The following TMED8 variants were observed in gnomAD, a reference collection of about 807,000 sequenced individuals.
TMED8 encodes protein TMED8.
In TMED8, 15 loss-of-function variants were observed where a neutral mutation model predicts 32.7. The observed-to-expected ratio is 0.46, with a 90% CI of 0.31 to 0.71. TMED8 has a LOEUF of 0.71. Ranked by LOEUF, TMED8 falls within the 30% of genes least tolerant of loss-of-function variation. TMED8 has a pLI of 0.06. For missense variants in TMED8, 390 were observed against 423.9 expected (o/e 0.92, Z 0.70); for synonymous variants, 147 against 161.4 (o/e 0.91, Z 0.68).
At chr14:77,348,500 G>A (rs1490562421) in intron 2 of TMED8, among the ~76,000 whole-genome samples, 1 of 152,178 alleles carries the variant, frequency 6.6e-6, no homozygotes, top group Non-Finnish European at 1.5e-5. Context: ...TGGGATTACA[G>A]GCATGAGCCA....
rs370851500 is a variant in TMED8 at position 77,359,340 on chromosome 14, G to A, written c.119-7589C>T. ...TGCACTCAGGACCCTTCCAGGCCTC[G>A]CCCTATTTACCTCTTCATCTGGCTG... On this transcript the variant is annotated intron_variant, in intron 1 of 5. Coordinates refer to ENST00000216468, the MANE Select transcript of TMED8 (RefSeq NM_213601.3). 4.2e-5 allele frequency: 8 copies of A among 189,286 alleles called. No homozygotes were observed. In the East Asian group the frequency reaches 5.2e-4, roughly 12 times the overall value. The allele number at this position is 189,286 out of a possible 1,614,324, so 11.7% of individuals were successfully genotyped here. A position where few individuals can be genotyped will look rare whatever the true frequency, so the allele number is the denominator to read the frequency against.
intron 1 of TMED8, among the ~76,000 whole-genome samples, chr14:77,369,632 G>A (rs1005471410): frequency 6.6e-6 from 1 of 152,172 alleles, no homozygotes; most frequent in South Asian, 2.1e-4. Flanking sequence ...AGACAAAAGA[G>A]CCCCAAAATA....
At position 77,376,758 on chromosome 14, in the gene TMED8, T is replaced by G; in HGVS notation, c.118+178A>C. On this transcript the variant is annotated intron_variant, in intron 1 of 5. Transcript: ENST00000216468. The surrounding 1 kb of genome is among the most constrained non-coding windows in gnomAD (Gnocchi z 4.0). ...AAACAGGAGTGAGTAGAAAATAACC[T>G]CGAGCCCAGGGCCCGGGTGGTGGCA... 2.7e-6 allele frequency: 1 copy of G among 364,090 alleles called. No homozygotes were observed. The highest frequency in any genetic ancestry group is 2.1e-5 in the African/African-American group (1 of 47,214). The allele number at this position is 364,090 out of a possible 1,614,324, so 22.6% of individuals were successfully genotyped here.
chr14:77,366,384 G>A (rs1299655254), intron 1 of TMED8, among the ~76,000 whole-genome samples: 2 of 152,210 alleles, frequency 1.3e-5, no homozygotes, highest in East Asian at 3.8e-4. Context: ...CCTGGAAAAG[G>A]TGAAACAGGA....
chr14:77,361,903 C>A (rs1413951425), intron 1 of TMED8, among the ~76,000 whole-genome samples: 1 of 152,158 alleles, frequency 6.6e-6, no homozygotes, highest in Non-Finnish European at 1.5e-5. Flanking sequence ...AATCCTCCCA[C>A]CTCAGCCTCC....
chr14:77,358,395 G>A (rs1893347473), intron 1 of TMED8, among the ~76,000 whole-genome samples: 1 of 151,674 alleles, frequency 6.6e-6, no homozygotes, highest in Admixed American at 6.6e-5. Context: ...TCCACCTCCT[G>A]GGTTCAAGTA....
chr14:77,372,926 ATATATATATATATATATATATATATATT>A lies in TMED8; in HGVS notation c.118+3982_118+4009del, dbSNP rs1329145504. Among the ~76,000 whole-genome samples the A allele has an allele frequency of 4.0e-3, 102 of 25,464 alleles. 3 individuals are homozygous for A. Among genetic ancestry groups the A allele is most frequent in the African/African-American group, 0.028 (94 of 3,348 alleles). 16.7% of individuals were successfully genotyped at this position (25,464 alleles called of 152,430 possible). A position where few individuals can be genotyped will look rare whatever the true frequency, so the allele number is the denominator to read the frequency against. ...AGATATTATATATATATATATATAT[ATATATATATATATATATATATATATATT>A]TTTTTTTTTTTTTTTTTTTTTTTTT... is the stretch of plus-strand genomic sequence containing the variant. On this transcript the variant is annotated intron_variant, in intron 1 of 5. Coordinates refer to ENST00000216468, the MANE Select transcript of TMED8 (RefSeq NM_213601.3).
At chr14:77,372,897 C>G (rs182496992) in intron 1 of TMED8, among the ~76,000 whole-genome samples, 104 of 76,518 alleles carry the variant, frequency 1.4e-3, no homozygotes, top group African/African-American at 4.0e-3. Flanking sequence ...ATTGAAATAG[C>G]CACAGATATT....
chr14:77,373,756 G>A (rs12881799), intron 1 of TMED8, among the ~76,000 whole-genome samples: 27,185 of 152,180 alleles, frequency 0.18, 2,765 homozygotes, highest in Middle Eastern at 0.27. Context: ...AATGTTAGAG[G>A]TGAGGTCTGG....
At chr14:77,365,338 TAAAC>T (rs1893528999) in intron 1 of TMED8, among the ~76,000 whole-genome samples, 2 of 152,166 alleles carry the variant, frequency 1.3e-5, no homozygotes, top group African/African-American at 4.8e-5. Context: ...GATAAACTCA[TAAAC>T]AGACAGTTGT....
intron 1 of TMED8, among the ~76,000 whole-genome samples, chr14:77,374,315 T>C (rs947827731): frequency 6.6e-6 from 1 of 152,212 alleles, no homozygotes; most frequent in African/African-American, 2.4e-5. Context: ...AATATAGTAT[T>C]TCCACACTGC....
chr14:77,354,258 C>T (rs1893242092), intron 1 of TMED8, among the ~76,000 whole-genome samples: 1 of 152,168 alleles, frequency 6.6e-6, no homozygotes, highest in Admixed American at 6.5e-5. Context: ...TAACTGCAAA[C>T]TTACTGTTGG....
rs1893838474 is a variant in TMED8, at chr14:77,377,050, A to T, written c.4T>A (p.Ser2Thr). 1 of 1,366,234 alleles carries T rather than the reference A, an allele frequency of 7.3e-7. No individual in the cohort carries two copies. The highest frequency in any genetic ancestry group is 1.7e-5 in the South Asian group (1 of 57,692). 84.6% of individuals were successfully genotyped at this position (1,366,234 alleles called of 1,614,324 possible). A position where few individuals can be genotyped will look rare whatever the true frequency, so the allele number is the denominator to read the frequency against. The change falls in exon 1 of 6, where the codon TCT becomes ACT. Residue 2 changes from serine (S) to threonine (T), a missense_variant. Physicochemically the swap from Ser to Thr is moderately conservative, Grantham distance 58. Transcript: ENST00000216468. The part of the protein sequence containing the change: M[S>T]DLQAAEGPGS... Reference sequence around the variant, plus strand: ...GGCCCCTCAGCCGCCTGCAGGTCAGACATCTGCAGCCCGCGCACGGAGCTC... The same window carrying T: ...GGCCCCTCAGCCGCCTGCAGGTCAGTCATCTGCAGCCCGCGCACGGAGCTC...
At position 77,340,250 on chromosome 14, in the gene TMED8, ACAT is replaced by A. The variant is rs1469854091; in HGVS notation, c.*1518_*1520del. 2 of 152,324 alleles carry A rather than the reference ACAT, an allele frequency of 1.3e-5. No homozygotes were observed. The highest frequency in any genetic ancestry group is 2.9e-5 in the Non-Finnish European group (2 of 68,044). 9.4% of individuals were successfully genotyped at this position (152,324 alleles called of 1,614,324 possible). ...CACAGGACTGACCTACAGAAATAAA[ACAT>A]CATCGCTTCCCAAATTCTCCTAAAA... is the stretch of plus-strand genomic sequence containing the variant. On this transcript the variant is annotated 3_prime_UTR_variant, in exon 6 of 6. Transcript: ENST00000216468.
chr14:77,350,796 G>A (rs1175476616), intron 2 of TMED8, among the ~76,000 whole-genome samples: 1 of 152,116 alleles, frequency 6.6e-6, no homozygotes, highest in Non-Finnish European at 1.5e-5. Flanking sequence ...GGGCAACAAA[G>A]CAAGACTCTG....
At chr14:77,353,438 TG>T (rs1291700150) in intron 1 of TMED8, among the ~76,000 whole-genome samples, 2 of 141,734 alleles carry the variant, frequency 1.4e-5, no homozygotes, top group East Asian at 1.9e-4. Flanking sequence ...TTCTTTTCTT[TG>T]TTTTTTTTTT....
At chr14:77,347,675 G>A (rs1393534382) in intron 2 of TMED8, among the ~76,000 whole-genome samples, 1 of 152,204 alleles carries the variant, frequency 6.6e-6, no homozygotes, top group Non-Finnish European at 1.5e-5. Context: ...AAAGTACTAG[G>A]ATTACAGGCG....
intron 1 of TMED8, among the ~76,000 whole-genome samples, chr14:77,369,880 T>C (rs187259876): frequency 1.3e-5 from 2 of 152,282 alleles, no homozygotes; most frequent in Admixed American, 1.3e-4. Context: ...ACAAAAATAG[T>C]TCTGCCCTCT....
Position 77,341,426 on chromosome 14 carries a change from G to C in TMED8, c.*345C>G, listed in dbSNP as rs187776605. 7.5e-4 allele frequency: 222 copies of C among 295,970 alleles called. No individual in the cohort carries two copies. The Middle Eastern group carries it at 0.017, about 23-fold the overall frequency. 18.3% of individuals were successfully genotyped at this position (295,970 alleles called of 1,614,324 possible). On this transcript the variant is annotated 3_prime_UTR_variant, in exon 6 of 6. Coordinates refer to ENST00000216468, the MANE Select transcript of TMED8 (RefSeq NM_213601.3). ...AAGGGCTGTGGGAGAGGAGAGGGCA[G>C]CAATCTGAATGATAAACCTGTGCCA...
Sources: gnomAD v4.1 joint callset for allele counts (sites outside exome capture counted in the v4.1 genomes callset) on GRCh38, gnomAD v4.1.1 for gene constraint, Gnocchi (gnomAD v3.1) non-coding constraint, MANE v1.5 for transcripts, NCBI Gene and HGNC (gene_info 2026-07-23, HGNC 2026-07-21) for gene names.